FHIT: variants seen among roughly 807,000 people sequenced by gnomAD.
The protein encoded by FHIT is fragile histidine triad diadenosine triphosphatase.
Under a neutral mutation model 17.9 loss-of-function variants are expected in FHIT, and 19 were observed. The ratio of observed to expected loss-of-function variants is 1.06; its 90% confidence interval spans 0.74 to 1.56. FHIT has a LOEUF of 1.56. Among genes scored for constraint, FHIT ranks in the 40% most tolerant of loss-of-function variants. FHIT has a pLI of 0.00. For missense variants in FHIT, 248 were observed against 189.2 expected (o/e 1.31, Z -1.82); for synonymous variants, 81 against 69.7 (o/e 1.16, Z -0.81).
At chr3:60,541,283 A>C (rs896169532) in intron 4 of FHIT, among the ~76,000 whole-genome samples, 1 of 152,206 alleles carries the variant, frequency 6.6e-6, no homozygotes, top group Admixed American at 6.5e-5. Flanking sequence ...TGCAAGTGGC[A>C]GTGCTTCAGA....
chr3:59,993,892 G>A (rs1699395844), intron 7 of FHIT, among the ~76,000 whole-genome samples: 1 of 151,792 alleles, frequency 6.6e-6, no homozygotes, highest in Non-Finnish European at 1.5e-5. Flanking sequence ...TCAATGCTGG[G>A]GAAAATTAAT....
intron 5 of FHIT, among the ~76,000 whole-genome samples, chr3:60,489,307 T>C (rs2033968047): frequency 6.6e-6 from 1 of 152,182 alleles, no homozygotes; most frequent in Non-Finnish European, 1.5e-5. Context: ...GAAATGTACA[T>C]ATGATCTCAT....
At chr3:60,525,782 G>A (rs1259929066) in intron 5 of FHIT, among the ~76,000 whole-genome samples, 1 of 152,182 alleles carries the variant, frequency 6.6e-6, no homozygotes, top group African/African-American at 2.4e-5. Context: ...GTTAAAGGCA[G>A]AGTGGTCTTA....
At chr3:60,913,092 A>G (rs1553766309) in intron 3 of FHIT, among the ~76,000 whole-genome samples, 2 of 152,196 alleles carry the variant, frequency 1.3e-5, no homozygotes, top group African/African-American at 4.8e-5. Context: ...GATTGCCACA[A>G]AGCATCCATG....
At chr3:61,153,946 GA>G (rs2037463792) in intron 2 of FHIT, among the ~76,000 whole-genome samples, 1 of 152,070 alleles carries the variant, frequency 6.6e-6, no homozygotes, top group Admixed American at 6.6e-5. Flanking sequence ...GGGGACAAGG[GA>G]AAAAACACAG....
At chr3:60,731,524 G>C (rs941903335) in intron 4 of FHIT, among the ~76,000 whole-genome samples, 1 of 152,078 alleles carries the variant, frequency 6.6e-6, no homozygotes, top group Non-Finnish European at 1.5e-5. Flanking sequence ...CCATGGAGTG[G>C]GCTGTTCACG....
intron 2 of FHIT, among the ~76,000 whole-genome samples, chr3:61,146,742 C>T (rs958824652): frequency 6.6e-6 from 1 of 151,962 alleles, no homozygotes; most frequent in African/African-American, 2.4e-5. Context: ...GCCAGCAGTT[C>T]CATAGAATTC....
chr3:60,724,345 G>A (rs575352184), intron 4 of FHIT, among the ~76,000 whole-genome samples: 3 of 152,180 alleles, frequency 2.0e-5, no homozygotes, highest in African/African-American at 7.2e-5. Flanking sequence ...ATATTTCATT[G>A]CATGGATATA....
intron 5 of FHIT, among the ~76,000 whole-genome samples, chr3:60,036,677 G>T: frequency 6.6e-6 from 1 of 151,892 alleles, no homozygotes; most frequent in Admixed American, 6.6e-5. Flanking sequence ...CTATTCAAAG[G>T]GCATCCATTT....
At chr3:59,814,005 G>T (rs1018401909) in intron 8 of FHIT, among the ~76,000 whole-genome samples, 2 of 150,058 alleles carry the variant, frequency 1.3e-5, no homozygotes, top group Non-Finnish European at 2.9e-5. Context: ...CTAAAAGGAC[G>T]GATTCATCCG....
intron 9 of FHIT, chr3:59,750,475 C>T: frequency 4.5e-6 from 1 of 223,990 alleles, no homozygotes; most frequent in Non-Finnish European, 8.9e-6. Context: ...GGCCTATGTT[C>T]TTAGGTAAAC....
chr3:60,677,282 G>A (rs902568605), intron 4 of FHIT, among the ~76,000 whole-genome samples: 3 of 152,108 alleles, frequency 2.0e-5, no homozygotes, highest in East Asian at 3.9e-4. Context: ...CACCTAAATA[G>A]TGTACATTGT....
At chr3:60,153,305 G>C (rs1250027814) in intron 5 of FHIT, among the ~76,000 whole-genome samples, 1 of 146,796 alleles carries the variant, frequency 6.8e-6, no homozygotes, top group African/African-American at 2.5e-5. Flanking sequence ...TTCTACGATG[G>C]CATAGTTCCT....
chr3:59,861,145 G>C (rs1702386091), intron 8 of FHIT, among the ~76,000 whole-genome samples: 1 of 152,058 alleles, frequency 6.6e-6, no homozygotes, highest in Admixed American at 6.6e-5. Flanking sequence ...ATAGAGATGA[G>C]GAAGCATGGG....
At chr3:60,388,627 A>C (rs9831022) in intron 5 of FHIT, among the ~76,000 whole-genome samples, 7,371 of 152,180 alleles carry the variant, frequency 0.048, 302 homozygotes, top group African/African-American at 0.11. Flanking sequence ...CACAAGACCT[A>C]AACCTGATAT....
At chr3:60,506,352 G>A (rs1444300647) in intron 5 of FHIT, among the ~76,000 whole-genome samples, 1 of 152,068 alleles carries the variant, frequency 6.6e-6, no homozygotes, top group African/African-American at 2.4e-5. Flanking sequence ...CCTGAACACT[G>A]GTGCCTTTGG....
rs191344720 is a variant in FHIT at position 59,849,777 on chromosome 3, C to G, written c.348+72569G>C. Among the ~76,000 whole-genome samples the G allele has an allele frequency of 2.6e-3, 391 of 152,254 alleles. 1 individual carries two copies. The highest frequency in any genetic ancestry group is 4.0e-3 in the Non-Finnish European group (273 of 68,004). On this transcript the variant is annotated intron_variant, in intron 8 of 9. Transcript: ENST00000492590. ...TTTTCAGAAATAAATATGGGTTATT[C>G]TTAATCAGGTATATTATAAGAGTAG...
chr3:59,796,912 T>C (rs1299720922), intron 8 of FHIT, among the ~76,000 whole-genome samples: 1 of 152,190 alleles, frequency 6.6e-6, no homozygotes, highest in Non-Finnish European at 1.5e-5. Flanking sequence ...ACAAATAGCT[T>C]CCTCAAACTT....
chr3:60,492,411 T>C (rs2107503120), intron 5 of FHIT, among the ~76,000 whole-genome samples: 1 of 152,276 alleles, frequency 6.6e-6, no homozygotes, highest in South Asian at 2.1e-4. Flanking sequence ...AGGAAAAAGG[T>C]TAAGAAATCT....
Sources: allele counts gnomAD v4.1 joint callset (sites outside exome capture counted in the v4.1 genomes callset), GRCh38; gene constraint gnomAD v4.1.1; transcripts MANE v1.5; gene names NCBI Gene and HGNC (gene_info 2026-07-23, HGNC 2026-07-21).